The following MCCC2 variants were observed in gnomAD, a reference collection of about 807,000 sequenced individuals.
MCCC2 encodes methylcrotonyl-CoA carboxylase subunit 2, also known as methylcrotonoyl-CoA carboxylase beta chain, mitochondrial.
Under a neutral mutation model 77.2 loss-of-function variants are expected in MCCC2, and 52 were observed. The observed-to-expected ratio is 0.67, with a 90% CI of 0.54 to 0.85. The LOEUF (loss-of-function observed/expected upper bound fraction) is 0.85, where lower values mean the gene tolerates loss of function less well. Among genes scored for constraint, MCCC2 ranks in the 40% least tolerant of loss-of-function variants. The pLI is 0.00. For missense variants in MCCC2, 682 were observed against 703.2 expected (o/e 0.97, Z 0.34); for synonymous variants, 253 against 248.4 (o/e 1.02, Z -0.18).
intron 13 of MCCC2, among the ~76,000 whole-genome samples, chr5:71,648,389 G>A (rs764830034): frequency 2.3e-4 from 35 of 152,276 alleles, no homozygotes; most frequent in Non-Finnish European, 4.1e-4. Context: ...ACAGAGCTAG[G>A]GGCTTGAAGA....
rs1421338438 is a variant in MCCC2, at chr5:71,657,421, TCTC to T, written c.*564_*566del. 6.5e-6 allele frequency: 1 copy of T among 152,754 alleles called. No individual in the cohort carries two copies. The highest frequency in any genetic ancestry group is 2.4e-5 in the African/African-American group (1 of 41,172). 9.5% of individuals were successfully genotyped at this position (152,754 alleles called of 1,614,324 possible). On this transcript the variant is annotated 3_prime_UTR_variant, in exon 17 of 17. Coordinates refer to ENST00000340941, the MANE Select transcript of MCCC2 (RefSeq NM_022132.5). ...TTCCCCCTCCCCCGAGCCCATGACA[TCTC>T]CTTATTATTATTTTTTTTTTGAGAC...
intron 4 of MCCC2, among the ~76,000 whole-genome samples, chr5:71,601,618 G>C (rs1439786255): frequency 6.6e-6 from 1 of 152,144 alleles, no homozygotes; most frequent in Non-Finnish European, 1.5e-5. Flanking sequence ...ACACTACCCT[G>C]TGCTGGGTGT....
intron 1 of MCCC2, among the ~76,000 whole-genome samples, chr5:71,588,178 G>A (rs1282622859): frequency 6.6e-6 from 1 of 151,906 alleles, no homozygotes; most frequent in African/African-American, 2.4e-5. Context: ...CTGAGGCAGG[G>A]GAATCGCTTG....
rs1234755114 is a variant in MCCC2, at chr5:71,656,977, A to G, written c.*117A>G. ...TACAGTAATTTTTTTAACACTGTGC[A>G]TTGTACTTTTCTACCTTAAAAAAAT... On this transcript the variant is annotated 3_prime_UTR_variant, in exon 17 of 17. Transcript: ENST00000340941. 3.9e-6 allele frequency: 3 copies of G among 761,552 alleles called. No individual in the cohort carries two copies. Among genetic ancestry groups the G allele is most frequent in the East Asian group, 5.1e-5 (2 of 39,336 alleles). The allele number at this position is 761,552 out of a possible 1,614,324, so 47.2% of individuals were successfully genotyped here. A position where few individuals can be genotyped will look rare whatever the true frequency, so the allele number is the denominator to read the frequency against.
chr5:71,600,431 A>AT lies in MCCC2; in HGVS notation c.383+683dup, dbSNP rs1428754129. Among the ~76,000 whole-genome samples, 973 of 146,160 alleles carry AT rather than the reference A, an allele frequency of 6.7e-3. 14 individuals are homozygous for AT. Among genetic ancestry groups the AT allele is most frequent in the African/African-American group, 0.022 (886 of 40,136 alleles). ...GAATATAGGCTAGCACATCATTATA[A>AT]TTTTTTTTTTTTGAGTTGGGGTCTT... On this transcript the variant is annotated intron_variant, in intron 4 of 16. Transcript: ENST00000340941.
At chr5:71,594,287 G>C (rs1244995087) in intron 2 of MCCC2, among the ~76,000 whole-genome samples, 1 of 152,134 alleles carries the variant, frequency 6.6e-6, no homozygotes, top group Non-Finnish European at 1.5e-5. Context: ...CCAGCACTTT[G>C]GGAGGCCGAG....
chr5:71,617,660 T>TA (rs1171930432), intron 6 of MCCC2, among the ~76,000 whole-genome samples: 2 of 152,226 alleles, frequency 1.3e-5, no homozygotes. Flanking sequence ...TTATATAAGT[T>TA]AATCACTTCT....
intron 16 of MCCC2, among the ~76,000 whole-genome samples, chr5:71,653,884 A>C (rs1205343847): frequency 6.6e-6 from 1 of 150,916 alleles, no homozygotes; most frequent in Admixed American, 6.6e-5. Flanking sequence ...GTTAGAGTCC[A>C]TTACAATCAT....
At chr5:71,656,687 T>C in intron 16 of MCCC2, 56 bp from the exon 17 acceptor site, 1 of 1,320,138 alleles carries the variant, frequency 7.6e-7, no homozygotes, top group Non-Finnish European at 1.1e-6. Flanking sequence ...ACATGGAGAG[T>C]GTATAAATGG....
intron 1 of MCCC2, 87 bp from the exon 2 acceptor site, chr5:71,592,839 T>G (rs1446411588): frequency 5.9e-5 from 15 of 255,452 alleles, no homozygotes; most frequent in South Asian, 2.5e-4. Context: ...CAGACCACTG[T>G]TTTTTTTTTT....
chr5:71,635,515 C>T, intron 10 of MCCC2: 1 of 490,216 alleles, frequency 2.0e-6, no homozygotes, highest in East Asian at 4.3e-5. Context: ...AGTAAGACTC[C>T]ATGTCCTGTG....
chr5:71,614,372 G>A (rs1357938695), intron 6 of MCCC2, among the ~76,000 whole-genome samples: 2 of 152,058 alleles, frequency 1.3e-5, no homozygotes, highest in African/African-American at 4.8e-5. Flanking sequence ...AAGGCACGGT[G>A]GTCCACACCT....
At chr5:71,641,802 G>C (rs1747129699) in intron 11 of MCCC2, among the ~76,000 whole-genome samples, 1 of 152,172 alleles carries the variant, frequency 6.6e-6, no homozygotes. Context: ...AAAAAAACTA[G>C]CTGCAGAAAT....
intron 7 of MCCC2, among the ~76,000 whole-genome samples, chr5:71,631,742 T>A (rs1238408998): frequency 3.6e-4 from 52 of 145,638 alleles, no homozygotes; most frequent in Non-Finnish European, 3.7e-4. Flanking sequence ...GGGTTTCACC[T>A]TGTTAGCCAG....
At chr5:71,611,283 G>T (rs1166645826) in intron 6 of MCCC2, among the ~76,000 whole-genome samples, 1 of 152,010 alleles carries the variant, frequency 6.6e-6, no homozygotes, top group East Asian at 1.9e-4. Flanking sequence ...CATGCCTATG[G>T]TTCCAGCTTT....
chr5:71,590,638 G>T (rs539215119), intron 1 of MCCC2, among the ~76,000 whole-genome samples: 39 of 151,882 alleles, frequency 2.6e-4, no homozygotes, highest in Admixed American at 3.9e-4. Context: ...CCAACATGGT[G>T]AAACCCTGTC....
At chr5:71,599,566 T>C (rs537489422) in intron 3 of MCCC2, 93 bp from the exon 4 acceptor site, 28 of 967,376 alleles carry the variant, frequency 2.9e-5, no homozygotes, top group Non-Finnish European at 4.4e-5. Flanking sequence ...TATTGTCCCA[T>C]TGAGGAAAAA....
chr5:71,655,221 C>G (rs1379826455), intron 16 of MCCC2, among the ~76,000 whole-genome samples: 1 of 152,166 alleles, frequency 6.6e-6, no homozygotes, highest in Non-Finnish European at 1.5e-5. Context: ...ATTTCCAAGC[C>G]AGTTTATGGT....
intron 16 of MCCC2, among the ~76,000 whole-genome samples, 188 bp from the exon 17 acceptor site, chr5:71,656,552 TATC>T (rs1747583514): frequency 6.6e-6 from 1 of 152,232 alleles, no homozygotes; most frequent in African/African-American, 2.4e-5. Context: ...ATGAAGGTCA[TATC>T]ATTTTTTTCC....
Sources: gnomAD v4.1 joint callset for allele counts (sites outside exome capture counted in the v4.1 genomes callset) on GRCh38, gnomAD v4.1.1 for gene constraint, MANE v1.5 for transcripts, NCBI Gene and HGNC (gene_info 2026-07-23, HGNC 2026-07-21) for gene names.